The following PHC3 variants were observed in gnomAD, a reference collection of about 807,000 sequenced individuals.
The protein encoded by PHC3 is polyhomeotic-like protein 3.
A neutral mutation model predicts 107.4 loss-of-function variants in PHC3; 13 were observed. That is an observed-to-expected ratio of 0.12 (90% CI 0.08 to 0.19). PHC3 has a LOEUF of 0.19. PHC3 is among the 10% of genes least tolerant of loss of function. The probability of loss-of-function intolerance (pLI) is 1.00; values close to 1 mark genes in which losing one functional copy is unlikely to be tolerated. For missense variants in PHC3, 992 were observed against 1,210.9 expected, an observed-to-expected ratio of 0.82 and a Z score of 2.68; for synonymous variants, 456 against 427.4, an observed-to-expected ratio of 1.07 and a Z score of -0.83.
At chr3:170,179,042 G>C in intron 1 of PHC3, 104 bp from the exon 2 acceptor site, 1 of 1,106,888 alleles carries the variant, frequency 9.0e-7, no homozygotes, top group Non-Finnish European at 1.3e-6. Context: ...AAACTGCTAG[G>C]AAGGCTCTCA....
chr3:170,150,416 C>G (rs1577171435), intron 4 of PHC3, among the ~76,000 whole-genome samples: 1 of 151,066 alleles, frequency 6.6e-6, no homozygotes, highest in East Asian at 2.0e-4. Flanking sequence ...GCATTGTTGG[C>G]CGGGCGCAGT....
At chr3:170,171,314 T>G in intron 4 of PHC3, 59 bp downstream of exon 4, 2 of 1,260,154 alleles carry the variant, frequency 1.6e-6, no homozygotes, top group Non-Finnish European at 2.2e-6. Context: ...AACAGTTTAC[T>G]TTTGGAAAAC....
At chr3:170,148,863 TTC>T (rs1207548965) in intron 5 of PHC3, 1 of 444,110 alleles carries the variant, frequency 2.3e-6, no homozygotes, top group African/African-American at 1.9e-5. Flanking sequence ...CTCTATTAGC[TTC>T]TCAATGTAAT....
chr3:170,135,812 C>T (rs1217222500), intron 7 of PHC3, among the ~76,000 whole-genome samples: 1 of 152,098 alleles, frequency 6.6e-6, no homozygotes, highest in Non-Finnish European at 1.5e-5. Context: ...ACAGTAAGCT[C>T]ACTCTGGATG....
intron 5 of PHC3, chr3:170,148,452 A>G (rs1230294863): frequency 6.6e-6 from 1 of 152,220 alleles, no homozygotes; most frequent in Non-Finnish European, 1.5e-5. Flanking sequence ...GAAGCTCAAC[A>G]ATTAAATTAG....
At position 170,088,027 on chromosome 3, in the gene PHC3, T is replaced by C. The variant is rs201465143; in HGVS notation, c.*9203A>G. The C allele has an allele frequency of 6.6e-6, 1 of 152,208 alleles. No homozygotes were observed. The highest frequency in any genetic ancestry group is 1.5e-5 in the Non-Finnish European group (1 of 68,026). The allele number at this position is 152,208 out of a possible 1,614,324, so 9.4% of individuals were successfully genotyped here. A position where few individuals can be genotyped will look rare whatever the true frequency, so the allele number is the denominator to read the frequency against. ...ATTTTCAGGTTATACATTTTAAAACTGTAGCTATCAACACCAATCTAGGAA... is the reference window on the plus strand; with the variant it reads ...ATTTTCAGGTTATACATTTTAAAACCGTAGCTATCAACACCAATCTAGGAA... On this transcript the variant is annotated 3_prime_UTR_variant, in exon 15 of 15. Transcript: ENST00000495893.
intron 6 of PHC3, among the ~76,000 whole-genome samples, chr3:170,141,264 A>C (rs141303116): frequency 1.1e-4 from 16 of 152,364 alleles, no homozygotes; most frequent in Non-Finnish European, 1.9e-4. Context: ...TCACCTACCA[A>C]TGCCAGACTC....
At chr3:170,181,647 G>C in intron 1 of PHC3, 55 bp downstream of exon 1, 1 of 1,612,344 alleles carries the variant, frequency 6.2e-7, no homozygotes, top group Non-Finnish European at 8.5e-7. Context: ...GGAACGTGTC[G>C]CTGCCCCAAC....
rs1714406191 is a variant in PHC3, at chr3:170,094,238, C to T, written c.*2992G>A. On this transcript the variant is annotated 3_prime_UTR_variant, in exon 15 of 15. Transcript: ENST00000495893. ...CTGCATAGCTGTGTCTTACACATGC[C>T]TACACAAGGCTTGATGAATATTAAT... 1 of 152,154 alleles carries T rather than the reference C, an allele frequency of 6.6e-6. No homozygotes were observed. Among genetic ancestry groups the T allele is most frequent in the South Asian group, 2.1e-4 (1 of 4,830 alleles). 9.4% of individuals were successfully genotyped at this position (152,154 alleles called of 1,614,324 possible).
chr3:170,168,966 C>A (rs1372660363), intron 4 of PHC3, among the ~76,000 whole-genome samples: 1 of 134,048 alleles, frequency 7.5e-6, no homozygotes, highest in Non-Finnish European at 1.6e-5. Flanking sequence ...TTTTTTTTTT[C>A]AGATTTTGGA....
intron 1 of PHC3, among the ~76,000 whole-genome samples, chr3:170,180,356 G>A (rs1314290961): frequency 6.6e-6 from 1 of 152,076 alleles, no homozygotes; most frequent in East Asian, 1.9e-4. Context: ...GGCTAAGGTG[G>A]GGAAATCGCT....
chr3:170,125,299 G>A (rs1268398887), intron 8 of PHC3, among the ~76,000 whole-genome samples: 1 of 152,014 alleles, frequency 6.6e-6, no homozygotes, highest in Non-Finnish European at 1.5e-5. Context: ...TGTCTGGGGG[G>A]TTAAGAAAAA....
At chr3:170,149,330 C>T in intron 4 of PHC3, 86 bp from the exon 5 acceptor site, 2 of 1,348,248 alleles carry the variant, frequency 1.5e-6, no homozygotes, top group South Asian at 3.0e-5. Context: ...GTTAGGCAAT[C>T]AATGGTATAA....
rs59086430 is a variant in PHC3 at position 170,102,798 on chromosome 3, A to G, written c.2601+4T>C. On this transcript the variant is annotated splice_donor_region_variant and intron_variant, in intron 13 of 14. Coordinates refer to ENST00000495893, the MANE Select transcript of PHC3 (RefSeq NM_024947.4). ...TTTTACATTGAAGCAAGGTTTATAC[A>G]GACCTGCCTAAGGATATGTTCTCTC... 121 of 1,613,926 alleles carry G rather than the reference A, an allele frequency of 7.5e-5. No homozygotes were observed. The African/African-American group carries it at 1.5e-3, about 19-fold the overall frequency.
intron 11 of PHC3, among the ~76,000 whole-genome samples, chr3:170,108,913 G>A (rs1368565047): frequency 1.3e-5 from 2 of 152,162 alleles, no homozygotes; most frequent in Non-Finnish European, 2.9e-5. Context: ...GAAGGAGAAG[G>A]AAATGTTTTT....
intron 3 of PHC3, among the ~76,000 whole-genome samples, 183 bp from the exon 4 acceptor site, chr3:170,171,633 T>C (rs1350948937): frequency 6.6e-6 from 1 of 152,240 alleles, no homozygotes; most frequent in Admixed American, 6.5e-5. Flanking sequence ...AAAAGCTGAA[T>C]GGTGAAAACA....
chr3:170,158,053 T>C (rs1474976096), intron 4 of PHC3, among the ~76,000 whole-genome samples: 2 of 152,044 alleles, frequency 1.3e-5, no homozygotes, highest in East Asian at 3.9e-4. Flanking sequence ...ACCATTTGCT[T>C]ATCCCTCCTA....
At chr3:170,168,922 G>T (rs1265353339) in intron 4 of PHC3, among the ~76,000 whole-genome samples, 2 of 150,514 alleles carry the variant, frequency 1.3e-5, no homozygotes, top group East Asian at 3.9e-4. Flanking sequence ...TCTGTTATAT[G>T]AAATCCTTGC....
Position 170,129,099 on chromosome 3 carries a change from G to A in PHC3, c.1373C>T (p.Ala458Val). The stretch of plus-strand genomic sequence containing the variant: ...GGATGGAAGATTCAACTGTGCTGTA[G>A]CTTGCACCTGATTAGCAGTGGACTG... ...LQQSTANQVQATAQLNLPSHL... is the reference protein window; with the variant it reads ...LQQSTANQVQVTAQLNLPSHL... Residue 458 changes from alanine to valine, a missense_variant, in exon 8 of 15, where the codon GCT (alanine) becomes GTT (valine). Transcript: ENST00000495893. 1 of 1,612,572 alleles carries A rather than the reference G, an allele frequency of 6.2e-7. No homozygotes were observed.
Sources: gnomAD v4.1 joint callset for allele counts (sites outside exome capture counted in the v4.1 genomes callset) on GRCh38, gnomAD v4.1.1 for gene constraint, MANE v1.5 for transcripts, NCBI Gene and HGNC (gene_info 2026-07-23, HGNC 2026-07-21) for gene names.